The following CNTLN variants were observed in gnomAD, a reference collection of about 807,000 sequenced individuals.
CNTLN encodes the protein centlein, centrosomal protein.
In CNTLN, 212 loss-of-function variants were observed where a neutral mutation model predicts 180.0. The ratio of observed to expected loss-of-function variants is 1.18; its 90% CI spans 1.05 to 1.32. CNTLN has a LOEUF of 1.32. Ranked by LOEUF, CNTLN falls within the 40% of genes most tolerant of loss-of-function variation. The pLI is 0.00. For synonymous variants in CNTLN, 722 were observed against 563.1 expected (o/e 1.28, Z -3.99); for missense variants, 2,095 against 1,610.9 (o/e 1.30, Z -5.14).
At chr9:17,315,764 T>C (rs559130914) in intron 8 of CNTLN, among the ~76,000 whole-genome samples, 5 of 152,178 alleles carry the variant, frequency 3.3e-5, no homozygotes, top group South Asian at 2.1e-4. Context: ...CCCATCTATA[T>C]TGAATTCTTG....
At chr9:17,520,573 G>A in the CNTLN span, among the ~76,000 whole-genome samples, 18 of 152,348 alleles carry the variant, frequency 1.2e-4, no homozygotes, top group African/African-American at 4.3e-4. Flanking sequence ...TTGGAGGTGA[G>A]AGGTGGTACT....
intron 11 of CNTLN, 64 bp downstream of exon 11, chr9:17,341,012 A>AGGT (rs1336445225): frequency 5.7e-6 from 8 of 1,406,596 alleles, no homozygotes; most frequent in Non-Finnish European, 7.5e-6. Flanking sequence ...AGCATTATAT[A>AGGT]GGTGTCTTAA....
the CNTLN span, among the ~76,000 whole-genome samples, chr9:17,516,178 T>C: frequency 6.6e-6 from 1 of 152,158 alleles, no homozygotes; most frequent in Non-Finnish European, 1.5e-5. Context: ...GACTACATTC[T>C]CCACAGCAAC....
At chr9:17,415,426 C>G (rs1828150300) in intron 16 of CNTLN, among the ~76,000 whole-genome samples, 1 of 152,058 alleles carries the variant, frequency 6.6e-6, no homozygotes, top group Admixed American at 6.6e-5. Context: ...TAAGCTATCC[C>G]TAGATTAAAT....
At chr9:17,474,694 C>T (rs111670080) in intron 23 of CNTLN, among the ~76,000 whole-genome samples, 4 of 151,982 alleles carry the variant, frequency 2.6e-5, no homozygotes, top group Non-Finnish European at 4.4e-5. Flanking sequence ...CATGGTGAAA[C>T]CCCGTCTCTA....
At chr9:17,198,148 A>C (rs1022389094) in intron 2 of CNTLN, among the ~76,000 whole-genome samples, 1 of 152,052 alleles carries the variant, frequency 6.6e-6, no homozygotes, top group Non-Finnish European at 1.5e-5. Context: ...TTGTAGTATA[A>C]TTTGAAATCA....
At chr9:17,431,050 C>T (rs1182367600) in intron 18 of CNTLN, among the ~76,000 whole-genome samples, 1 of 151,976 alleles carries the variant, frequency 6.6e-6, no homozygotes, top group Admixed American at 6.6e-5. Flanking sequence ...GATTTCATTT[C>T]CTTTAGCTGT....
intron 2 of CNTLN, among the ~76,000 whole-genome samples, chr9:17,152,170 C>T (rs1818933743): frequency 6.6e-6 from 1 of 152,122 alleles, no homozygotes; most frequent in South Asian, 2.1e-4. Context: ...TTCAGTTTTG[C>T]TCTGATCTTA....
chr9:17,490,349 T>C (rs1168412194), intron 25 of CNTLN, among the ~76,000 whole-genome samples: 7 of 151,988 alleles, frequency 4.6e-5, no homozygotes, highest in Non-Finnish European at 1.0e-4. Context: ...TGAGATTAGA[T>C]GAAAGGGGTC....
chr9:17,358,077 A>G (rs1190570974), intron 12 of CNTLN, among the ~76,000 whole-genome samples: 2 of 152,028 alleles, frequency 1.3e-5, no homozygotes, highest in Non-Finnish European at 2.9e-5. Flanking sequence ...AGTTTTATCT[A>G]GGGAATATAA....
chr9:17,451,336 G>T (rs1413832802), intron 18 of CNTLN, among the ~76,000 whole-genome samples: 1 of 152,086 alleles, frequency 6.6e-6, no homozygotes, highest in East Asian at 1.9e-4. Flanking sequence ...TAAAATTGCT[G>T]CCTGTACTTA....
chr9:17,477,634 A>C (rs1832422550), intron 23 of CNTLN, among the ~76,000 whole-genome samples: 1 of 152,236 alleles, frequency 6.6e-6, no homozygotes, highest in African/African-American at 2.4e-5. Flanking sequence ...ATAGCCAGTG[A>C]ACTAAAATTA....
At chr9:17,169,141 G>C (rs572961410) in intron 2 of CNTLN, among the ~76,000 whole-genome samples, 1 of 152,214 alleles carries the variant, frequency 6.6e-6, no homozygotes, top group South Asian at 2.1e-4. Flanking sequence ...AGGACTACAG[G>C]TGTGCACCCA....
At chr9:17,398,628 T>A (rs1160527374) in intron 15 of CNTLN, among the ~76,000 whole-genome samples, 2 of 152,196 alleles carry the variant, frequency 1.3e-5, no homozygotes, top group Non-Finnish European at 2.9e-5. Flanking sequence ...TTCTTTTATC[T>A]CATAAGCAGA....
intron 12 of CNTLN, among the ~76,000 whole-genome samples, chr9:17,351,812 C>CT (rs1194627617): frequency 6.6e-6 from 1 of 152,174 alleles, no homozygotes; most frequent in African/African-American, 2.4e-5. Flanking sequence ...TGTTTAAAAA[C>CT]TTTAAGTATC....
chr9:17,361,830 C>G (rs546709227), intron 12 of CNTLN, among the ~76,000 whole-genome samples: 4 of 152,130 alleles, frequency 2.6e-5, no homozygotes, highest in Non-Finnish European at 4.4e-5. Context: ...GTCCAGTGGC[C>G]GAATACAGTT....
At chr9:17,518,531 T>C in the CNTLN span, among the ~76,000 whole-genome samples, 23 of 152,134 alleles carry the variant, frequency 1.5e-4, no homozygotes, top group African/African-American at 5.3e-4. Context: ...ACTGAAATAT[T>C]ATCTGATAAT....
chr9:17,328,598 A>C (rs1415870909), intron 8 of CNTLN, among the ~76,000 whole-genome samples: 3 of 152,208 alleles, frequency 2.0e-5, no homozygotes, highest in African/African-American at 7.2e-5. Context: ...CTGTAACAAA[A>C]GTGATAAAAG....
At chr9:17,402,773 C>T (rs951081394) in intron 15 of CNTLN, among the ~76,000 whole-genome samples, 8 of 151,794 alleles carry the variant, frequency 5.3e-5, no homozygotes, top group African/African-American at 1.7e-4. Context: ...ATTGACTTTC[C>T]TGGGTTTCCA....
Sources: gnomAD v4.1 joint callset for allele counts (sites outside exome capture counted in the v4.1 genomes callset) on GRCh38, gnomAD v4.1.1 for gene constraint, MANE v1.5 for transcripts, NCBI Gene and HGNC (gene_info 2026-07-23, HGNC 2026-07-21) for gene names.